The following PPM1L variants were observed in gnomAD, a reference collection of about 807,000 sequenced individuals.
PPM1L encodes protein phosphatase 1L.
Under a neutral mutation model 31.4 loss-of-function variants are expected in PPM1L, and 13 were observed. The ratio of observed to expected loss-of-function variants is 0.41; its 90% CI spans 0.27 to 0.66. The LOEUF is 0.66. PPM1L is among the 30% of genes least tolerant of loss of function. The pLI, the probability that PPM1L is intolerant of heterozygous loss-of-function variation, is 0.29. For missense variants in PPM1L, 326 were observed against 453.7 expected, an observed-to-expected ratio of 0.72 and a Z score of 2.56; for synonymous variants, 184 against 175.4, an observed-to-expected ratio of 1.05 and a Z score of -0.39.
Position 161,051,373 on chromosome 3 carries a change from T to TACAC in PPM1L, c.575-14002_575-13999dup, listed in dbSNP as rs5853922. On this transcript the variant is annotated intron_variant, in intron 2 of 3. Coordinates refer to ENST00000498165, the MANE Select transcript of PPM1L (RefSeq NM_139245.4). ...AAGGAACACAGAACCATTTAGTCAC[T>TACAC]ACACACACACACACACACACACACA... is the stretch of plus-strand genomic sequence containing the variant. 8.8e-3 allele frequency among the ~76,000 whole-genome samples: 1,303 copies of TACAC among 147,450 alleles called. 22 individuals carry two copies. Among genetic ancestry groups the TACAC allele is most frequent in the East Asian group, 0.067 (334 of 5,014 alleles).
chr3:160,888,305 C>T (rs1004564081), intron 1 of PPM1L, among the ~76,000 whole-genome samples: 2 of 152,140 alleles, frequency 1.3e-5, no homozygotes, highest in Admixed American at 6.5e-5. Flanking sequence ...TGTAGAGACA[C>T]ACATAGGCTC....
intron 2 of PPM1L, among the ~76,000 whole-genome samples, chr3:161,029,494 T>C (rs147355758): frequency 6.6e-6 from 1 of 152,326 alleles, no homozygotes; most frequent in East Asian, 1.9e-4. Flanking sequence ...CTTTTAAACT[T>C]TGAGAAGAAG....
At chr3:160,982,391 C>T (rs1716829340) in intron 2 of PPM1L, among the ~76,000 whole-genome samples, 1 of 152,090 alleles carries the variant, frequency 6.6e-6, no homozygotes, top group African/African-American at 2.4e-5. Context: ...AGGCATGACT[C>T]TCTGGATAGC....
At chr3:160,821,175 T>C (rs1713190903) in intron 1 of PPM1L, among the ~76,000 whole-genome samples, 1 of 151,980 alleles carries the variant, frequency 6.6e-6, no homozygotes, top group South Asian at 2.1e-4. Context: ...CCTCTCTAGG[T>C]TTTCACCCCT....
intron 1 of PPM1L, chr3:160,842,135 G>T: frequency 1.6e-6 from 1 of 634,168 alleles, no homozygotes; most frequent in South Asian, 1.8e-5. Flanking sequence ...CAGAAGGAGA[G>T]AGATTTTGTG....
chr3:160,848,571 ATCTT>A (rs1714155020), intron 1 of PPM1L, among the ~76,000 whole-genome samples: 1 of 152,144 alleles, frequency 6.6e-6, no homozygotes, highest in African/African-American at 2.4e-5. Flanking sequence ...CGCAGGTTCT[ATCTT>A]CCACTCTTGT....
intron 1 of PPM1L, among the ~76,000 whole-genome samples, chr3:160,932,229 G>A (rs889135661): frequency 3.9e-5 from 6 of 152,194 alleles, no homozygotes; most frequent in African/African-American, 1.4e-4. Flanking sequence ...AGAAAAGCCT[G>A]TATTTCCACT....
intron 2 of PPM1L, among the ~76,000 whole-genome samples, chr3:161,037,961 C>T (rs1003215188): frequency 6.6e-6 from 1 of 151,834 alleles, no homozygotes; most frequent in Non-Finnish European, 1.5e-5. Flanking sequence ...TGGCCGGGCG[C>T]GGTGGCTCAC....
intron 1 of PPM1L, among the ~76,000 whole-genome samples, chr3:160,888,512 A>G (rs1713015406): frequency 6.6e-6 from 1 of 152,226 alleles, no homozygotes; most frequent in African/African-American, 2.4e-5. Flanking sequence ...CCAATACAGG[A>G]GTACCCAGAT....
chr3:160,877,959 C>G (rs1333355214), intron 1 of PPM1L, among the ~76,000 whole-genome samples: 1 of 152,168 alleles, frequency 6.6e-6, no homozygotes, highest in East Asian at 1.9e-4. Flanking sequence ...CAGGCATTCA[C>G]CTGTGTAAGC....
chr3:160,998,371 A>G (rs1189890911), intron 2 of PPM1L, among the ~76,000 whole-genome samples: 4 of 152,178 alleles, frequency 2.6e-5, no homozygotes, highest in African/African-American at 7.2e-5. Context: ...ATATGTATTT[A>G]CTTGTCAAGT....
intron 1 of PPM1L, among the ~76,000 whole-genome samples, chr3:160,864,937 A>T (rs554497996): frequency 6.6e-6 from 1 of 152,362 alleles, no homozygotes; most frequent in East Asian, 1.9e-4. Context: ...AAAGTCCAAC[A>T]CTTTAATCTA....
intron 1 of PPM1L, among the ~76,000 whole-genome samples, chr3:160,823,737 G>A (rs188993453): frequency 4.3e-4 from 65 of 152,156 alleles, no homozygotes; most frequent in Non-Finnish European, 1.5e-5. Flanking sequence ...TATGAAGCAA[G>A]CGTATTGGTA....
chr3:160,990,162 C>CT (rs1292477814), intron 2 of PPM1L, among the ~76,000 whole-genome samples: 2 of 151,712 alleles, frequency 1.3e-5, no homozygotes, highest in South Asian at 2.1e-4. Context: ...TGCAGCTGAT[C>CT]TTTTTTTTGT....
chr3:160,893,684 A>G (rs1231429326), intron 1 of PPM1L, among the ~76,000 whole-genome samples: 1 of 152,188 alleles, frequency 6.6e-6, no homozygotes, highest in Non-Finnish European at 1.5e-5. Flanking sequence ...TTAAAACAAA[A>G]AATTATGCTA....
intron 1 of PPM1L, among the ~76,000 whole-genome samples, chr3:160,800,377 T>C (rs1011343364): frequency 6.6e-6 from 1 of 152,162 alleles, no homozygotes; most frequent in African/African-American, 2.4e-5. Flanking sequence ...CTTCAGCTAT[T>C]GTCAAAATCT....
intron 1 of PPM1L, among the ~76,000 whole-genome samples, chr3:160,893,055 A>G (rs948229932): frequency 4.6e-5 from 7 of 152,214 alleles, no homozygotes; most frequent in African/African-American, 7.2e-5. Context: ...TTGTACAATC[A>G]TTGCATATAT....
At chr3:161,008,030 G>T (rs1310183052) in intron 2 of PPM1L, among the ~76,000 whole-genome samples, 1 of 152,126 alleles carries the variant, frequency 6.6e-6, no homozygotes, top group East Asian at 1.9e-4. Context: ...CCTGGCTCTG[G>T]CTTCTCATTC....
At chr3:161,056,015 A>C (rs868476231) in intron 2 of PPM1L, among the ~76,000 whole-genome samples, 2 of 152,172 alleles carry the variant, frequency 1.3e-5, no homozygotes, top group Non-Finnish European at 2.9e-5. Context: ...TCACTTAAGA[A>C]AATGTTGCAG....
Sources: allele counts gnomAD v4.1 joint callset (sites outside exome capture counted in the v4.1 genomes callset), GRCh38; gene constraint gnomAD v4.1.1; transcripts MANE v1.5; gene names NCBI Gene and HGNC (gene_info 2026-07-23, HGNC 2026-07-21).